The following AMPD1 variants were observed in gnomAD, a reference collection of about 807,000 sequenced individuals.
AMPD1 encodes adenosine monophosphate deaminase 1.
AMPD1 carries 74 observed loss-of-function variants against 82.9 expected under a neutral mutation model. The observed-to-expected ratio is 0.89, with a 90% CI of 0.74 to 1.08. The LOEUF (loss-of-function observed/expected upper bound fraction) is 1.08, where lower values mean the gene tolerates loss of function less well. Ranked by LOEUF, AMPD1 falls within the 50% of genes least tolerant of loss-of-function variation. AMPD1 has a pLI of 0.00. For synonymous variants in AMPD1, 333 were observed against 320.5 expected, an observed-to-expected ratio of 1.04 and a Z score of -0.42; for missense variants, 881 against 924.5, an observed-to-expected ratio of 0.95 and a Z score of 0.61.
intron 1 of AMPD1, 79 bp from the exon 2 acceptor site, chr1:114,693,526 G>T: frequency 2.3e-6 from 3 of 1,290,096 alleles, no homozygotes; most frequent in South Asian, 1.2e-5. Context: ...CACTGCTTTG[G>T]GGTAGACACA....
At chr1:114,679,003 G>A (rs1342534434) in intron 7 of AMPD1, among the ~76,000 whole-genome samples, 1 of 152,178 alleles carries the variant, frequency 6.6e-6, no homozygotes, top group Non-Finnish European at 1.5e-5. Flanking sequence ...TGTATAGGCA[G>A]CTGAGCCAGG....
chr1:114,685,839 A>G (rs1279414094), intron 4 of AMPD1, among the ~76,000 whole-genome samples: 1 of 152,196 alleles, frequency 6.6e-6, no homozygotes, highest in Non-Finnish European at 1.5e-5. Context: ...GAGAGCACCC[A>G]TGTTATACAG....
chr1:114,691,980 G>A (rs1658529796), intron 2 of AMPD1, among the ~76,000 whole-genome samples: 1 of 152,046 alleles, frequency 6.6e-6, no homozygotes, highest in South Asian at 2.1e-4. Flanking sequence ...TTAACAGCTG[G>A]ATGGCCTTGG....
At chr1:114,685,219 G>A (rs1570849485) in intron 4 of AMPD1, among the ~76,000 whole-genome samples, 1 of 152,170 alleles carries the variant, frequency 6.6e-6, no homozygotes, top group Non-Finnish European at 1.5e-5. Context: ...AGGTCTGGGG[G>A]TCTGCTTCCC....
chr1:114,692,931 G>A (rs368972485), intron 2 of AMPD1, among the ~76,000 whole-genome samples: 3 of 151,182 alleles, frequency 2.0e-5, no homozygotes, highest in East Asian at 2.0e-4. Context: ...TCAGGAGTTC[G>A]AGACCAGCCT....
chr1:114,685,192 C>T (rs929044970), intron 4 of AMPD1, among the ~76,000 whole-genome samples: 5 of 152,150 alleles, frequency 3.3e-5, no homozygotes, highest in South Asian at 2.1e-4. Context: ...TGGCCAAAAG[C>T]GTCTGGCACA....
chr1:114,685,140 T>C (rs141287073), intron 4 of AMPD1, among the ~76,000 whole-genome samples: 3 of 152,290 alleles, frequency 2.0e-5, no homozygotes, highest in African/African-American at 7.2e-5. Context: ...GTCCAGATAT[T>C]GATCCTGAAT....
intron 1 of AMPD1, among the ~76,000 whole-genome samples, chr1:114,694,439 CT>C (rs202131855): frequency 3.3e-5 from 5 of 151,788 alleles, no homozygotes; most frequent in African/African-American, 9.7e-5. Flanking sequence ...ATAACAGTGC[CT>C]TTTTAAAAAA....
Position 114,677,985 on chromosome 1 carries a change from T to C in AMPD1, c.1149A>G (p.Gly383=), listed in dbSNP as rs745880731. Residue 383 remains glycine, a synonymous_variant, in exon 9 of 16, where the codon GGA becomes GGG. Coordinates refer to ENST00000520113, the MANE Select transcript of AMPD1 (RefSeq NM_000036.3). ...AGTAGAGGTCCCGTAGCTCACTTGCTCCTACAGGATTATATTTGTCATTGA... is the reference window on the plus strand; with the variant it reads ...AGTAGAGGTCCCGTAGCTCACTTGCCCCTACAGGATTATATTTGTCATTGA... ...DKFNDKYNPV[G]ASELRDLYLK... 2 of 1,613,910 alleles carry C rather than the reference T, an allele frequency of 1.2e-6. No homozygotes were observed. The highest frequency in any genetic ancestry group is 2.2e-5 in the South Asian group (2 of 91,074).
intron 5 of AMPD1, chr1:114,683,111 C>T (rs373314680): frequency 9.2e-6 from 4 of 436,556 alleles, no homozygotes; most frequent in Non-Finnish European, 1.8e-5. Flanking sequence ...TTGAAAAATA[C>T]GTACTTAACT....
intron 3 of AMPD1, among the ~76,000 whole-genome samples, chr1:114,687,338 C>T (rs534995264): frequency 6.6e-6 from 1 of 152,242 alleles, no homozygotes; most frequent in Admixed American, 6.5e-5. Context: ...TATAGGATTT[C>T]TATGAGATTT....
At chr1:114,680,226 G>C in intron 6 of AMPD1, 33 bp downstream of exon 6, 2 of 1,562,946 alleles carry the variant, frequency 1.3e-6, no homozygotes, top group Non-Finnish European at 1.8e-6. Flanking sequence ...TGTAGTACTA[G>C]TTGTTGTTGT....
chr1:114,685,621 T>C (rs1658291867), intron 4 of AMPD1, among the ~76,000 whole-genome samples: 1 of 152,206 alleles, frequency 6.6e-6, no homozygotes, highest in Non-Finnish European at 1.5e-5. Flanking sequence ...GGAGAAGTAC[T>C]CCTTGACTTG....
intron 10 of AMPD1, 33 bp from the exon 11 acceptor site, chr1:114,676,036 A>G: frequency 1.9e-6 from 3 of 1,612,196 alleles, no homozygotes; most frequent in Non-Finnish European, 2.5e-6. Context: ...TTTAGGAGAA[A>G]AAAAGATTTT....
chr1:114,682,184 A>G (rs1176122665), intron 5 of AMPD1, among the ~76,000 whole-genome samples: 1 of 152,216 alleles, frequency 6.6e-6, no homozygotes, highest in East Asian at 1.9e-4. Flanking sequence ...TCCTGTTTAC[A>G]AGTGATGCCC....
chr1:114,684,388 A>G (rs372317443), intron 4 of AMPD1, 24 bp from the exon 5 acceptor site: 66 of 1,611,142 alleles, frequency 4.1e-5, no homozygotes, highest in Non-Finnish European at 5.3e-5. Context: ...AAAAGTCAGC[A>G]TATCAGAGTC....
At chr1:114,692,944 C>A (rs1658557418) in intron 2 of AMPD1, among the ~76,000 whole-genome samples, 1 of 151,064 alleles carries the variant, frequency 6.6e-6, no homozygotes, top group Non-Finnish European at 1.5e-5. Flanking sequence ...ACCAGCCTGG[C>A]CAACATGGTG....
intron 15 of AMPD1, 48 bp from the exon 16 acceptor site, chr1:114,673,320 G>C: frequency 6.3e-7 from 1 of 1,596,512 alleles, no homozygotes. Context: ...TTTTCACCCT[G>C]GTATAGACAA....
intron 7 of AMPD1, 136 bp from the exon 8 acceptor site, chr1:114,678,663 AGGTGG>A: frequency 1.2e-6 from 1 of 843,446 alleles, no homozygotes; most frequent in Non-Finnish European, 1.9e-6. Flanking sequence ...CAGTTGGTGG[AGGTGG>A]TCCAGCAATA....
Sources: allele counts gnomAD v4.1 joint callset (sites outside exome capture counted in the v4.1 genomes callset), GRCh38; gene constraint gnomAD v4.1.1; transcripts MANE v1.5; gene names NCBI Gene and HGNC (gene_info 2026-07-23, HGNC 2026-07-21).